The following PDE4B variants were observed in gnomAD, a reference collection of about 807,000 sequenced individuals.
PDE4B encodes phosphodiesterase 4B, also known as 3',5'-cyclic-AMP phosphodiesterase 4B.
In PDE4B, 20 loss-of-function variants were observed where a neutral mutation model predicts 82.2. That is an observed-to-expected ratio of 0.24 (90% confidence interval 0.17 to 0.35). The LOEUF (loss-of-function observed/expected upper bound fraction) is 0.35, where lower values mean the gene tolerates loss of function less well. Among genes scored for constraint, PDE4B ranks in the 10% least tolerant of loss-of-function variants. The pLI, the probability that PDE4B is intolerant of heterozygous loss-of-function variation, is 1.00. For synonymous variants in PDE4B, 320 were observed against 318.9 expected, an observed-to-expected ratio of 1.00 and a Z score of -0.04; for missense variants, 655 against 907.2, an observed-to-expected ratio of 0.72 and a Z score of 3.57.
At chr1:66,326,626 G>A (rs1044046041) in intron 7 of PDE4B, among the ~76,000 whole-genome samples, 91 of 152,210 alleles carry the variant, frequency 6.0e-4, no homozygotes, top group African/African-American at 2.2e-3. Flanking sequence ...TAGAAAGGGA[G>A]TCCAATTATG....
chr1:65,940,879 A>G (rs1648409133), intron 3 of PDE4B, among the ~76,000 whole-genome samples: 1 of 152,112 alleles, frequency 6.6e-6, no homozygotes, highest in Non-Finnish European at 1.5e-5. Context: ...TAGTATTAAT[A>G]CTTTAATAGC....
At chr1:66,004,322 T>G (rs1313738601) in intron 3 of PDE4B, among the ~76,000 whole-genome samples, 1 of 152,172 alleles carries the variant, frequency 6.6e-6, no homozygotes, top group East Asian at 1.9e-4. Flanking sequence ...TTAAATCAGT[T>G]TCATTGAGCA....
Position 66,321,980 on chromosome 1 carries a change from G to GA in PDE4B, c.635-10527dup, listed in dbSNP as rs1659437852. 9.2e-5 allele frequency among the ~76,000 whole-genome samples: 14 copies of GA among 152,206 alleles called. No homozygotes were observed. The South Asian group carries it at 2.9e-3, about 32-fold the overall frequency. ...GTACTGGTACCAGAACGCAGATATA[G>GA]ACCACTGGAACAGAACAGAGTCCTC... On this transcript the variant is annotated intron_variant, in intron 7 of 16. Transcript: ENST00000341517.
At chr1:66,161,104 G>A (rs567314942) in intron 3 of PDE4B, among the ~76,000 whole-genome samples, 5 of 152,020 alleles carry the variant, frequency 3.3e-5, no homozygotes, top group East Asian at 3.9e-4. Flanking sequence ...TCTTGAAAAC[G>A]CATTATTTTG....
intron 15 of PDE4B, 81 bp from the exon 16 acceptor site, chr1:66,368,706 C>T (rs938879971): frequency 1.1e-4 from 114 of 1,059,528 alleles, no homozygotes; most frequent in Non-Finnish European, 1.4e-4. Flanking sequence ...TAGTACCAAG[C>T]GTACTAGTAT....
chr1:66,161,217 TAGTAC>T (rs1389777767), intron 3 of PDE4B, among the ~76,000 whole-genome samples: 1 of 152,072 alleles, frequency 6.6e-6, no homozygotes, highest in Non-Finnish European at 1.5e-5. Flanking sequence ...AAGGTAAAAT[TAGTAC>T]AGTGAAGCCT....
In PDE4B at chr1:66,373,508, CCACAGG is replaced by C. The variant is rs1489779428; in HGVS notation, c.*831_*836del. 1 of 152,650 alleles carries C rather than the reference CCACAGG, an allele frequency of 6.6e-6. No individual in the cohort carries two copies. The highest frequency in any genetic ancestry group is 6.5e-5 in the Admixed American group (1 of 15,274). 9.5% of individuals were successfully genotyped at this position (152,650 alleles called of 1,614,324 possible). A position where few individuals can be genotyped will look rare whatever the true frequency, so the allele number is the denominator to read the frequency against. ...CCTGCTGTGTCTTGGACCCTGCCCC[CCACAGG>C]AGTTGTACAGTCCCTGGCCCTGTTC... On this transcript the variant is annotated 3_prime_UTR_variant, in exon 17 of 17. Coordinates refer to ENST00000341517, the MANE Select transcript of PDE4B (RefSeq NM_002600.4).
At chr1:66,217,532 C>G (rs1222569269) in intron 3 of PDE4B, among the ~76,000 whole-genome samples, 2 of 151,990 alleles carry the variant, frequency 1.3e-5, no homozygotes, top group Non-Finnish European at 2.9e-5. Context: ...CTGAACTCGA[C>G]CAAAAGTCAA....
intron 1 of PDE4B, among the ~76,000 whole-genome samples, chr1:65,800,842 C>G (rs1645686592): frequency 6.6e-6 from 1 of 152,132 alleles, no homozygotes; most frequent in Admixed American, 6.5e-5. Context: ...ATTTGGGGAA[C>G]AAACATTTTG....
At chr1:65,839,138 A>C (rs777008473) in intron 1 of PDE4B, among the ~76,000 whole-genome samples, 5 of 152,182 alleles carry the variant, frequency 3.3e-5, no homozygotes, top group Non-Finnish European at 5.9e-5. Context: ...ATGAAATAAC[A>C]GTTATAAAAA....
intron 3 of PDE4B, among the ~76,000 whole-genome samples, chr1:66,106,866 T>G: frequency 9.5e-6 from 1 of 105,166 alleles, no homozygotes; most frequent in African/African-American, 3.0e-5. Flanking sequence ...TCTGTCAATT[T>G]TGTTGATCCT....
chr1:65,952,979 C>G (rs1002247967), intron 3 of PDE4B, among the ~76,000 whole-genome samples: 1 of 152,098 alleles, frequency 6.6e-6, no homozygotes. Context: ...GTCTCAGAGA[C>G]TAGCTCTCAG....
chr1:66,340,276 T>C (rs1660875765), intron 8 of PDE4B, among the ~76,000 whole-genome samples: 3 of 152,186 alleles, frequency 2.0e-5, no homozygotes. Context: ...GACTTTAAAG[T>C]AGCCAAGTGC....
chr1:66,069,683 A>G (rs1159325759), intron 3 of PDE4B, among the ~76,000 whole-genome samples: 1 of 152,030 alleles, frequency 6.6e-6, no homozygotes, highest in Non-Finnish European at 1.5e-5. Context: ...CATAAAAAGG[A>G]TAATCTCTAA....
intron 8 of PDE4B, among the ~76,000 whole-genome samples, chr1:66,353,758 C>T (rs1662015115): frequency 6.6e-6 from 1 of 152,144 alleles, no homozygotes; most frequent in Non-Finnish European, 1.5e-5. Flanking sequence ...ACTTTCTCAA[C>T]ATGCCCTGGA....
At chr1:66,055,173 C>T (rs1463846329) in intron 3 of PDE4B, among the ~76,000 whole-genome samples, 1 of 152,142 alleles carries the variant, frequency 6.6e-6, no homozygotes, top group Non-Finnish European at 1.5e-5. Flanking sequence ...GAACTACTAG[C>T]TGACTTATGC....
At chr1:66,141,159 T>C (rs1225459747) in intron 3 of PDE4B, among the ~76,000 whole-genome samples, 4 of 151,686 alleles carry the variant, frequency 2.6e-5, no homozygotes, top group Non-Finnish European at 2.9e-5. Context: ...ATTAAACATT[T>C]ATTGAGCTCT....
At chr1:66,119,242 C>T (rs552674015) in intron 3 of PDE4B, among the ~76,000 whole-genome samples, 8 of 152,290 alleles carry the variant, frequency 5.3e-5, no homozygotes, top group Non-Finnish European at 7.4e-5. Flanking sequence ...GAGATGCTTT[C>T]GGAAGACCTC....
In PDE4B at chr1:66,055,201, T is replaced by A. The variant is rs186475193; in HGVS notation, c.281+136366T>A. Among the ~76,000 whole-genome samples the A allele has an allele frequency of 2.0e-3, 311 of 152,360 alleles. 1 individual carries two copies. Among genetic ancestry groups the A allele is most frequent in the Non-Finnish European group, 3.7e-3 (249 of 68,028 alleles). On this transcript the variant is annotated intron_variant, in intron 3 of 16. Coordinates refer to ENST00000341517, the MANE Select transcript of PDE4B (RefSeq NM_002600.4). ...ACTTATGCAATTTCTAGACTCTGTCTTTGAAGGCAGTGTTCTTAAATTGTG... is the reference window on the plus strand; with the variant it reads ...ACTTATGCAATTTCTAGACTCTGTCATTGAAGGCAGTGTTCTTAAATTGTG...
Sources: allele counts gnomAD v4.1 joint callset (sites outside exome capture counted in the v4.1 genomes callset), GRCh38; gene constraint gnomAD v4.1.1; transcripts MANE v1.5; gene names NCBI Gene and HGNC (gene_info 2026-07-23, HGNC 2026-07-21).